The following DDI2 variants were observed in gnomAD, a reference collection of about 807,000 sequenced individuals.
The protein encoded by DDI2 is protein DDI1 homolog 2.
In DDI2, 5 loss-of-function variants were observed where a neutral mutation model predicts 48.1. That is an observed-to-expected ratio of 0.10 (90% CI 0.05 to 0.22). The LOEUF (loss-of-function observed/expected upper bound fraction) is 0.22. DDI2 is among the 10% of genes least tolerant of loss of function. DDI2 has a pLI of 1.00. For missense variants in DDI2, 285 were observed against 506.2 expected, an observed-to-expected ratio of 0.56 and a Z score of 4.19; for synonymous variants, 205 against 183.6, an observed-to-expected ratio of 1.12 and a Z score of -0.94.
At chr1:15,655,998 TAAAA>T (rs150424481) in intron 8 of DDI2, among the ~76,000 whole-genome samples, 2 of 150,370 alleles carry the variant, frequency 1.3e-5, no homozygotes, top group African/African-American at 4.9e-5. Flanking sequence ...TAAAATGTTT[TAAAA>T]AAAAAACATG....
intron 5 of DDI2, among the ~76,000 whole-genome samples, chr1:15,639,584 C>T (rs1380955453): frequency 1.3e-4 from 20 of 152,064 alleles, no homozygotes; most frequent in Admixed American, 1.3e-3. Context: ...CAGCCTCAGC[C>T]TCTCAAGTAG....
In DDI2 at chr1:15,660,574, T is replaced by C. The variant is rs146866414; in HGVS notation, c.*784T>C. On this transcript the variant is annotated 3_prime_UTR_variant, in exon 10 of 10. Transcript: ENST00000480945. Reference sequence around the variant, plus strand: ...TCCAAGTGCGAAGAAAAGTATTCCATCTTCAGAATGCAGTGGCTGCTCAAA... The same window carrying C: ...TCCAAGTGCGAAGAAAAGTATTCCACCTTCAGAATGCAGTGGCTGCTCAAA... 1.9e-5 allele frequency: 31 copies of C among 1,613,730 alleles called. No homozygotes were observed. The East Asian group carries it at 5.1e-4, about 27-fold the overall frequency.
intron 5 of DDI2, 96 bp downstream of exon 5, chr1:15,638,530 CTTTTTT>C (rs775059343): frequency 7.4e-4 from 422 of 572,500 alleles, no homozygotes; most frequent in Middle Eastern, 1.9e-3. Context: ...GATGGCTGTA[CTTTTTT>C]TTTTTTTTTT....
At chr1:15,639,546 C>T (rs1021222255) in intron 5 of DDI2, among the ~76,000 whole-genome samples, 1 of 152,308 alleles carries the variant, frequency 6.6e-6, no homozygotes. Flanking sequence ...TCACTTCAGC[C>T]TCCAACTCCT....
intron 4 of DDI2, 65 bp from the exon 5 acceptor site, chr1:15,638,241 AC>A: frequency 6.2e-7 from 1 of 1,602,812 alleles, no homozygotes; most frequent in Non-Finnish European, 8.5e-7. Flanking sequence ...TAATATTGTG[AC>A]TTTGAAACTG....
At chr1:15,632,143 C>T (rs1570971758) in intron 3 of DDI2, among the ~76,000 whole-genome samples, 1 of 152,166 alleles carries the variant, frequency 6.6e-6, no homozygotes, top group East Asian at 1.9e-4. Flanking sequence ...TTTTTAGATC[C>T]ATCTGTATTG....
At chr1:15,644,345 G>T (rs959249193) in intron 6 of DDI2, among the ~76,000 whole-genome samples, 3 of 152,084 alleles carry the variant, frequency 2.0e-5, no homozygotes, top group African/African-American at 7.2e-5. Context: ...CAGTTTATTG[G>T]AGTGCATCAT....
chr1:15,658,975 T>C (rs1000734015), intron 9 of DDI2, among the ~76,000 whole-genome samples: 1 of 152,204 alleles, frequency 6.6e-6, no homozygotes, highest in African/African-American at 2.4e-5. Context: ...CTTTAAAACA[T>C]TTAAATATTC....
At chr1:15,658,538 G>A (rs1016582668) in intron 9 of DDI2, among the ~76,000 whole-genome samples, 6 of 151,122 alleles carry the variant, frequency 4.0e-5, no homozygotes, top group East Asian at 2.0e-4. Flanking sequence ...TGAGGCGGGC[G>A]GATCACCTGA....
chr1:15,641,532 T>C (rs1279159085), intron 5 of DDI2, among the ~76,000 whole-genome samples: 1 of 152,048 alleles, frequency 6.6e-6, no homozygotes, highest in African/African-American at 2.4e-5. Flanking sequence ...TGGAAAATTC[T>C]GTACCCCTAA....
At position 15,660,005 on chromosome 1, in the gene DDI2, A is replaced by C; in HGVS notation, c.*215A>C. 1 of 1,614,188 alleles carries C rather than the reference A, an allele frequency of 6.2e-7. No individual in the cohort carries two copies. Among genetic ancestry groups the C allele is most frequent in the East Asian group, 2.2e-5 (1 of 44,882 alleles). On this transcript the variant is annotated 3_prime_UTR_variant, in exon 10 of 10. Transcript: ENST00000480945. ...TGCCCTATCAAGCCCAGTGACTCAG[A>C]TCGCATTGAACCTAAAGCTGTGAAG... is the stretch of plus-strand genomic sequence containing the variant.
At position 15,661,616 on chromosome 1, in the gene DDI2, C is replaced by T; in HGVS notation, c.*1826C>T. On this transcript the variant is annotated 3_prime_UTR_variant, in exon 10 of 10. Coordinates refer to ENST00000480945, the MANE Select transcript of DDI2 (RefSeq NM_032341.5). ...ACAGATATTGACCGCATTCTCCGTG[C>T]TGGCTTTACTTTGCAGGAAGCTCTT... is the stretch of plus-strand genomic sequence containing the variant. 9 of 1,614,102 alleles carry T rather than the reference C, an allele frequency of 5.6e-6. No homozygotes were observed. The highest frequency in any genetic ancestry group is 7.6e-6 in the Non-Finnish European group (9 of 1,180,022).
rs886243676 is a variant in DDI2 at position 15,666,500 on chromosome 1, C to G, written c.*6710C>G. 6.6e-6 allele frequency: 1 copy of G among 152,098 alleles called. No homozygotes were observed. The highest frequency in any genetic ancestry group is 2.4e-5 in the African/African-American group (1 of 41,418). The allele number at this position is 152,098 out of a possible 1,614,324, so 9.4% of individuals were successfully genotyped here. A position where few individuals can be genotyped will look rare whatever the true frequency, so the allele number is the denominator to read the frequency against. On this transcript the variant is annotated 3_prime_UTR_variant, in exon 10 of 10. Coordinates refer to ENST00000480945, the MANE Select transcript of DDI2 (RefSeq NM_032341.5). ...AAAACAGTTTTTAGATGTTTATGTT[C>G]TTTGTTTTACTATCAATGTTGTGCT...
At chr1:15,639,883 C>T (rs113281335) in intron 5 of DDI2, among the ~76,000 whole-genome samples, 1 of 152,050 alleles carries the variant, frequency 6.6e-6, no homozygotes, top group Non-Finnish European at 1.5e-5. Flanking sequence ...TGGTGCGTAC[C>T]TATAGTCCCA....
In DDI2 at chr1:15,626,676, A is replaced by G. The variant is rs190145902; in HGVS notation, c.146A>G (p.Tyr49Cys). 1.9e-6 allele frequency: 3 copies of G among 1,614,018 alleles called. No homozygotes were observed. Among genetic ancestry groups the G allele is most frequent in the African/African-American group, 1.3e-5 (1 of 74,890 alleles). ...GIPAAESQIV[Y>C]AERPLTDNHR... ...TATCTTTTCTTGTTGTAGATCGTCT[A>G]TGCGGAAAGACCTCTCACAGACAAC... Residue 49 changes from tyrosine to cysteine, a missense_variant, in exon 2 of 10, where the codon TAT becomes TGT. By Grantham distance (194) the Tyr-to-Cys change is radical. Coordinates refer to ENST00000480945, the MANE Select transcript of DDI2 (RefSeq NM_032341.5).
chr1:15,652,504 C>G (rs1640206085), intron 8 of DDI2, among the ~76,000 whole-genome samples: 1 of 123,136 alleles, frequency 8.1e-6, no homozygotes, highest in African/African-American at 3.1e-5. Flanking sequence ...CCAGCCTGGT[C>G]ATGGTGAAAC....
chr1:15,652,956 G>C (rs1049811776), intron 8 of DDI2, among the ~76,000 whole-genome samples: 1 of 152,160 alleles, frequency 6.6e-6, no homozygotes, highest in Non-Finnish European at 1.5e-5. Context: ...AGTGAGTCAA[G>C]ATGGCACCAC....
chr1:15,617,812 C>T lies in DDI2; in HGVS notation c.138+4C>T, dbSNP rs1162989956. 1.9e-6 allele frequency: 3 copies of T among 1,589,870 alleles called. No individual in the cohort carries two copies. The highest frequency in any genetic ancestry group is 1.3e-5 in the African/African-American group (1 of 74,678). ...CATCCCCGCAGCCGAGAGCCAGGTA[C>T]GCCGGGCAGCGAGCCGGGCCTGCCC... is the stretch of plus-strand genomic sequence containing the variant. On this transcript the variant is annotated splice_donor_region_variant and intron_variant, in intron 1 of 9. Transcript: ENST00000480945.
intron 1 of DDI2, among the ~76,000 whole-genome samples, chr1:15,620,342 T>G (rs183283233): frequency 8.5e-5 from 13 of 152,276 alleles, no homozygotes; most frequent in Admixed American, 6.5e-4. Flanking sequence ...CCTAGACACT[T>G]GAGTCATTTC....
Sources: gnomAD v4.1 joint callset for allele counts (sites outside exome capture counted in the v4.1 genomes callset) on GRCh38, gnomAD v4.1.1 for gene constraint, MANE v1.5 for transcripts, NCBI Gene and HGNC (gene_info 2026-07-23, HGNC 2026-07-21) for gene names.